Variants in TULP4 observed in about 807,000 individuals in gnomAD.
TULP4 encodes the protein tubby-related protein 4.
TULP4 carries 16 observed loss-of-function variants against 129.0 expected under a neutral mutation model. The observed-to-expected ratio is 0.12, with a 90% confidence interval of 0.08 to 0.19. The LOEUF (loss-of-function observed/expected upper bound fraction) is 0.19. Among genes scored for constraint, TULP4 ranks in the 10% least tolerant of loss-of-function variants. The probability of loss-of-function intolerance (pLI) is 1.00; values close to 1 mark genes in which losing one functional copy is unlikely to be tolerated. For missense variants in TULP4, 1,842 were observed against 2,059.1 expected (o/e 0.89, Z 2.04); for synonymous variants, 998 against 854.0 (o/e 1.17, Z -2.94).
In TULP4 at chr6:158,260,674, G is replaced by C. The variant is rs190032215; in HGVS notation, n.68+28371G>C. Among the ~76,000 whole-genome samples the C allele has an allele frequency of 1.4e-3, 215 of 152,180 alleles. 1 individual carries two copies. The highest frequency in any genetic ancestry group is 4.6e-3 in the African/African-American group (191 of 41,526). ...GCCTAGGCAGAGTGAGGGGAGAAGA[G>C]GGATTTAGATAGAGTTCTGAGAAAT... On this transcript the variant is annotated intron_variant and non_coding_transcript_variant, in intron 1 of 1. Transcript: ENST00000620026.
At chr6:158,346,215 T>G (rs1357515090) in intron 1 of TULP4, among the ~76,000 whole-genome samples, 2 of 152,230 alleles carry the variant, frequency 1.3e-5, no homozygotes, top group Non-Finnish European at 2.9e-5. Flanking sequence ...TATCACAGGG[T>G]CCTGAGGTGA....
chr6:158,292,870 C>G (rs1427426938), intron 1 of TULP4, among the ~76,000 whole-genome samples: 5 of 152,180 alleles, frequency 3.3e-5, no homozygotes, highest in Admixed American at 3.3e-4. Flanking sequence ...AAAGTACTCT[C>G]TCATTTCTGT....
chr6:158,417,844 A>G (rs934339767), intron 2 of TULP4, among the ~76,000 whole-genome samples: 2 of 152,212 alleles, frequency 1.3e-5, no homozygotes, highest in Admixed American at 1.3e-4. Context: ...AATGATTAAG[A>G]GTCCTTTATT....
At chr6:158,432,035 G>T (rs1028153506) in intron 3 of TULP4, among the ~76,000 whole-genome samples, 2 of 149,402 alleles carry the variant, frequency 1.3e-5, no homozygotes, top group Non-Finnish European at 3.0e-5. Context: ...GAGGTGGGAG[G>T]CTCACTTGAG....
In TULP4 at chr6:158,502,248, A is replaced by G; in HGVS notation, c.2585A>G (p.Asp862Gly). The change falls in exon 13 of 14, where the codon GAT (aspartate) becomes GGT (glycine). Residue 862 changes from aspartate to glycine, a missense_variant. Around this residue, in one of 5 missense-constraint regions of TULP4, gnomAD observed 1,089 missense variants for 987.1 expected, o/e 1.10. Coordinates refer to ENST00000367097, the MANE Select transcript of TULP4 (RefSeq NM_020245.5). ...CTGCCGCCCCCACAGCCCCCAGTGGATGTGTGCTTGAAGAAGGGCGACTTC... is the reference window on the plus strand; with the variant it reads ...CTGCCGCCCCCACAGCCCCCAGTGGGTGTGTGCTTGAAGAAGGGCGACTTC... Reference protein sequence around the residue: ...PPLPPPQPPVDVCLKKGDFSL... With the variant: ...PPLPPPQPPVGVCLKKGDFSL... 2.3e-6 allele frequency: 2 copies of G among 881,238 alleles called. No homozygotes were observed. Among genetic ancestry groups the G allele is most frequent in the Non-Finnish European group, 3.4e-6 (2 of 596,650 alleles). 54.6% of individuals were successfully genotyped at this position (881,238 alleles called of 1,614,324 possible). A position where few individuals can be genotyped will look rare whatever the true frequency, so the allele number is the denominator to read the frequency against.
intron 1 of TULP4, among the ~76,000 whole-genome samples, chr6:158,344,250 T>C (rs1754412): frequency 0.86 from 131,036 of 152,172 alleles, 56,849 homozygotes; most frequent in South Asian, 0.93. Flanking sequence ...TTGCTGACTC[T>C]TTTTTCGGAC....
intron 11 of TULP4, among the ~76,000 whole-genome samples, chr6:158,498,271 T>C (rs1464823534): frequency 6.6e-6 from 1 of 152,254 alleles, no homozygotes; most frequent in East Asian, 1.9e-4. Flanking sequence ...TGTTTGGCAG[T>C]CTGGTTGTCA....
intron 1 of TULP4, among the ~76,000 whole-genome samples, chr6:158,239,481 C>T (rs1777808374): frequency 1.5e-5 from 1 of 67,386 alleles, no homozygotes; most frequent in African/African-American, 4.9e-5. Context: ...CACCTCCCTC[C>T]CGGACGGGGA....
chr6:158,470,737 A>G (rs548909619), intron 6 of TULP4, among the ~76,000 whole-genome samples: 1 of 152,372 alleles, frequency 6.6e-6, no homozygotes, highest in Non-Finnish European at 1.5e-5. Flanking sequence ...TGGTCTCACT[A>G]GAATGGTGAT....
chr6:158,438,849 C>G (rs923382260), intron 3 of TULP4, among the ~76,000 whole-genome samples: 2 of 152,136 alleles, frequency 1.3e-5, no homozygotes, highest in African/African-American at 4.8e-5. Flanking sequence ...CCTCCCAAAA[C>G]TGCACCTGGC....
chr6:158,486,721 A>G (rs1438854035), intron 8 of TULP4, among the ~76,000 whole-genome samples: 1 of 152,122 alleles, frequency 6.6e-6, no homozygotes, highest in Non-Finnish European at 1.5e-5. Context: ...GAGCCACCCA[A>G]GTCTGTGGTA....
In TULP4 at chr6:158,363,996, T is replaced by A. The variant is rs2771426; in HGVS notation, c.253-49069T>A. On this transcript the variant is annotated intron_variant, in intron 1 of 13. Transcript: ENST00000367097. ...CAACACTTTACCTTTCAAAATAAAT[T>A]AAAAAAACCCACAATTTTGTGTTAA... is the stretch of plus-strand genomic sequence containing the variant. 1.5e-3 allele frequency among the ~76,000 whole-genome samples: 231 copies of A among 152,210 alleles called. 1 individual carries two copies. The highest frequency in any genetic ancestry group is 2.7e-3 in the Non-Finnish European group (184 of 68,006).
chr6:158,426,909 G>A (rs1778508104), intron 2 of TULP4, among the ~76,000 whole-genome samples: 1 of 152,054 alleles, frequency 6.6e-6, no homozygotes, highest in South Asian at 2.1e-4. Context: ...GCAGTGTTTT[G>A]TAGTTCTCTT....
chr6:158,312,347 G>A (rs1344623053), upstream of TULP4: 6 of 384,638 alleles, frequency 1.6e-5, no homozygotes, highest in African/African-American at 1.0e-4. Flanking sequence ...GGTCTGCACG[G>A]GTAAAGAAAG....
chr6:158,444,026 T>C (rs980372225), intron 3 of TULP4, among the ~76,000 whole-genome samples: 56 of 151,836 alleles, frequency 3.7e-4, no homozygotes, highest in Admixed American at 1.6e-3. Flanking sequence ...GAGACCATCC[T>C]GGCTAACACG....
At chr6:158,394,877 G>A (rs2114960509) in intron 1 of TULP4, among the ~76,000 whole-genome samples, 1 of 150,194 alleles carries the variant, frequency 6.7e-6, no homozygotes. Flanking sequence ...CAATTCCACA[G>A]GCTTAATAGG....
chr6:158,363,854 A>G (rs1021605643), intron 1 of TULP4, among the ~76,000 whole-genome samples: 9 of 152,324 alleles, frequency 5.9e-5, no homozygotes, highest in East Asian at 1.9e-4. Flanking sequence ...ACTTTCATAA[A>G]TACATATTAA....
intron 1 of TULP4, among the ~76,000 whole-genome samples, chr6:158,258,040 C>G (rs976856858): frequency 6.6e-6 from 1 of 152,182 alleles, no homozygotes; most frequent in East Asian, 1.9e-4. Flanking sequence ...AGTCAACCAC[C>G]TGTAGGTTTC....
chr6:158,325,177 C>A, intron 1 of TULP4, among the ~76,000 whole-genome samples: 1 of 152,084 alleles, frequency 6.6e-6, no homozygotes, highest in Non-Finnish European at 1.5e-5. Context: ...TGCATTTTTT[C>A]ACCAATGTGG....
Sources: gnomAD v4.1 joint callset for allele counts (sites outside exome capture counted in the v4.1 genomes callset) on GRCh38, gnomAD v4.1.1 for gene constraint, gnomAD v4.1.1 regional missense constraint, MANE v1.5 for transcripts, NCBI Gene and HGNC (gene_info 2026-07-23, HGNC 2026-07-21) for gene names.